The following MICU2 variants were observed in gnomAD, a reference collection of about 807,000 sequenced individuals.
MICU2 encodes calcium uptake protein 2, mitochondrial.
A neutral mutation model predicts 60.4 loss-of-function variants in MICU2; 64 were observed. The observed-to-expected ratio is 1.06, with a 90% CI of 0.87 to 1.31. The LOEUF (loss-of-function observed/expected upper bound fraction) is 1.31, where lower values mean the gene tolerates loss of function less well. MICU2 is among the 50% of genes most tolerant of loss of function. MICU2 has a pLI of 0.00. For missense variants in MICU2, 569 were observed against 531.0 expected (o/e 1.07, Z -0.70); for synonymous variants, 201 against 175.0 (o/e 1.15, Z -1.17).
chr13:21,531,945 G>T (rs1329328579), intron 4 of MICU2, among the ~76,000 whole-genome samples: 5 of 152,164 alleles, frequency 3.3e-5, no homozygotes, highest in Non-Finnish European at 7.3e-5. Flanking sequence ...AGCTGGTAAA[G>T]AAATACTACA....
chr13:21,503,585 C>T lies in MICU2; in HGVS notation c.762-488G>A, dbSNP rs17067120. On this transcript the variant is annotated intron_variant, in intron 8 of 11. Coordinates refer to ENST00000382374, the MANE Select transcript of MICU2 (RefSeq NM_152726.3). ...GTAATCAATGGCTTGGCATCAAAAG[C>T]TTAGCTCTATCTAAAAACATAATCT... is the stretch of plus-strand genomic sequence containing the variant. Among the ~76,000 whole-genome samples, 417 of 152,264 alleles carry T rather than the reference C, an allele frequency of 2.7e-3. 4 individuals are homozygous for T. The highest frequency in any genetic ancestry group is 9.5e-3 in the African/African-American group (393 of 41,550).
At chr13:21,508,261 G>T (rs1205566073) in intron 8 of MICU2, among the ~76,000 whole-genome samples, 2 of 151,896 alleles carry the variant, frequency 1.3e-5, no homozygotes, top group Non-Finnish European at 2.9e-5. Flanking sequence ...AAGTAGCAGG[G>T]TCTACAGGTG....
intron 4 of MICU2, among the ~76,000 whole-genome samples, chr13:21,537,769 C>T (rs912069704): frequency 3.9e-5 from 6 of 152,086 alleles, no homozygotes; most frequent in Non-Finnish European, 7.3e-5. Flanking sequence ...CGTGAGCCAC[C>T]GCACCTCACC....
At chr13:21,579,388 T>C (rs113364080) in intron 1 of MICU2, among the ~76,000 whole-genome samples, 3,370 of 151,830 alleles carry the variant, frequency 0.022, 128 homozygotes, top group African/African-American at 0.078. Context: ...TTGCCCAGAT[T>C]GGAGTGCAAT....
chr13:21,568,102 T>G (rs749540014), intron 1 of MICU2, among the ~76,000 whole-genome samples: 3 of 152,220 alleles, frequency 2.0e-5, no homozygotes, highest in Non-Finnish European at 2.9e-5. Context: ...ATCACCTTCT[T>G]TTCACACTGA....
chr13:21,601,509 A>C (rs940508525), intron 1 of MICU2, among the ~76,000 whole-genome samples: 3 of 152,252 alleles, frequency 2.0e-5, no homozygotes, highest in African/African-American at 7.2e-5. Context: ...GCTAAGATTA[A>C]ACTTACAAAG....
chr13:21,541,438 T>C (rs1166730836), intron 2 of MICU2, among the ~76,000 whole-genome samples: 1 of 152,120 alleles, frequency 6.6e-6, no homozygotes, highest in African/African-American at 2.4e-5. Context: ...AAAAAGTAAA[T>C]TATAAAATCT....
chr13:21,518,345 C>T lies in MICU2; in HGVS notation c.597+2900G>A, dbSNP rs184521995. Reference sequence around the variant, plus strand: ...TATTGCCTTTTTTCATGTTCAGTTTCATGCTCAGGATCTCCTTTGTCTACG... The same window carrying T: ...TATTGCCTTTTTTCATGTTCAGTTTTATGCTCAGGATCTCCTTTGTCTACG... On this transcript the variant is annotated intron_variant, in intron 6 of 11. Coordinates refer to ENST00000382374, the MANE Select transcript of MICU2 (RefSeq NM_152726.3). 1.1e-4 allele frequency among the ~76,000 whole-genome samples: 16 copies of T among 152,304 alleles called. No individual in the cohort carries two copies. The East Asian group carries it at 2.3e-3, about 22-fold the overall frequency.
chr13:21,566,582 T>G (rs550404982), intron 2 of MICU2, among the ~76,000 whole-genome samples: 1 of 152,262 alleles, frequency 6.6e-6, no homozygotes, highest in Admixed American at 6.5e-5. Context: ...TTAAACTATT[T>G]TTCCTGTCTC....
In MICU2 at chr13:21,496,735, C is replaced by G. The variant is rs540875256; in HGVS notation, c.934-575G>C. 3 of 152,376 alleles carry G rather than the reference C, an allele frequency of 2.0e-5. No homozygotes were observed. The South Asian group carries it at 6.2e-4, about 32-fold the overall frequency. The allele number at this position is 152,376 out of a possible 1,614,324, so 9.4% of individuals were successfully genotyped here. ...AATCAGGATCTGAACCTTGGTCCAT[C>G]TGACTTCAAAATCTGAGCACTTACA... On this transcript the variant is annotated intron_variant, in intron 9 of 11. Transcript: ENST00000382374.
chr13:21,571,689 C>A (rs928976321), intron 1 of MICU2, among the ~76,000 whole-genome samples: 1 of 152,150 alleles, frequency 6.6e-6, no homozygotes, highest in Non-Finnish European at 1.5e-5. Flanking sequence ...CAGAGCGAGA[C>A]TGCGTCTCAA....
chr13:21,559,465 T>C (rs1319869581), intron 2 of MICU2, among the ~76,000 whole-genome samples: 2 of 152,176 alleles, frequency 1.3e-5, no homozygotes, highest in Non-Finnish European at 2.9e-5. Flanking sequence ...TCAAAAGTTA[T>C]GCTAATGTTT....
chr13:21,552,976 G>A (rs921707464), intron 2 of MICU2, among the ~76,000 whole-genome samples: 21 of 152,118 alleles, frequency 1.4e-4, no homozygotes, highest in African/African-American at 4.8e-4. Flanking sequence ...GAAAGTCATT[G>A]GTAGCTTGAT....
chr13:21,543,689 A>G (rs888453015), intron 2 of MICU2, among the ~76,000 whole-genome samples: 1 of 152,200 alleles, frequency 6.6e-6, no homozygotes, highest in East Asian at 1.9e-4. Context: ...ATGGAAAAAC[A>G]TCCCCGGCTC....
intron 1 of MICU2, among the ~76,000 whole-genome samples, chr13:21,577,003 G>C (rs1593353292): frequency 6.6e-6 from 1 of 152,022 alleles, no homozygotes; most frequent in Non-Finnish European, 1.5e-5. Context: ...TTCAGGAGCA[G>C]ATTTGCAATT....
At chr13:21,549,344 G>A (rs1234957054) in intron 2 of MICU2, among the ~76,000 whole-genome samples, 1 of 152,118 alleles carries the variant, frequency 6.6e-6, no homozygotes, top group Non-Finnish European at 1.5e-5. Flanking sequence ...GCAGGAAGAT[G>A]AGCCCCAAAT....
intron 2 of MICU2, among the ~76,000 whole-genome samples, chr13:21,543,514 T>TA (rs1887333148): frequency 1.3e-5 from 2 of 152,224 alleles, no homozygotes; most frequent in South Asian, 4.1e-4. Context: ...TAGCATTTTC[T>TA]ATATGCAAGC....
intron 4 of MICU2, among the ~76,000 whole-genome samples, chr13:21,532,793 AG>A (rs1887033155): frequency 6.6e-6 from 1 of 152,214 alleles, no homozygotes; most frequent in South Asian, 2.1e-4. Context: ...ATGACAAAAC[AG>A]TGTCCACGGT....
chr13:21,586,869 A>G (rs931568090), intron 1 of MICU2, among the ~76,000 whole-genome samples: 3 of 152,326 alleles, frequency 2.0e-5, no homozygotes, highest in East Asian at 3.9e-4. Context: ...ATTTAAATAT[A>G]GTATGTAAAA....
Sources: gnomAD v4.1 joint callset for allele counts (sites outside exome capture counted in the v4.1 genomes callset) on GRCh38, gnomAD v4.1.1 for gene constraint, MANE v1.5 for transcripts, NCBI Gene and HGNC (gene_info 2026-07-23, HGNC 2026-07-21) for gene names.